Variants in LRRC20 observed in about 807,000 individuals in gnomAD.
LRRC20 encodes the protein leucine-rich repeat-containing protein 20.
A neutral mutation model predicts 14.4 loss-of-function variants in LRRC20; 11 were observed. The observed-to-expected ratio is 0.77, with a 90% CI of 0.48 to 1.27. LRRC20 has a LOEUF of 1.27. Ranked by LOEUF, LRRC20 falls within the 50% of genes most tolerant of loss-of-function variation. The pLI, the probability that LRRC20 is intolerant of heterozygous loss-of-function variation, is 0.00. For missense variants in LRRC20, 219 were observed against 251.2 expected (o/e 0.87, Z 0.87); for synonymous variants, 121 against 107.3 (o/e 1.13, Z -0.79).
In LRRC20 at chr10:70,299,024, C is replaced by G. The variant is rs547976062; in HGVS notation, c.*2330G>C. 6.5e-6 allele frequency: 1 copy of G among 152,744 alleles called. No homozygotes were observed. The highest frequency in any genetic ancestry group is 2.1e-4 in the South Asian group (1 of 4,822). 9.5% of individuals were successfully genotyped at this position (152,744 alleles called of 1,614,324 possible). A position where few individuals can be genotyped will look rare whatever the true frequency, so the allele number is the denominator to read the frequency against. ...AGACTGAAGCTTAGGGGCTCACTCA[C>G]TGTGAGCTCTGATTTGGGGGCATCT... On this transcript the variant is annotated 3_prime_UTR_variant, in exon 5 of 5. Coordinates refer to ENST00000446961, the MANE Select transcript of LRRC20 (RefSeq NM_001278212.2).
intron 2 of LRRC20, among the ~76,000 whole-genome samples, chr10:70,343,054 G>T (rs1842970591): frequency 6.6e-6 from 1 of 152,146 alleles, no homozygotes; most frequent in African/African-American, 2.4e-5. Context: ...GAAATACATG[G>T]AAATAATCAC....
chr10:70,313,334 G>A (rs1307338760), intron 4 of LRRC20, among the ~76,000 whole-genome samples: 4 of 152,148 alleles, frequency 2.6e-5, no homozygotes, highest in African/African-American at 7.2e-5. Flanking sequence ...AGAGCCTCAG[G>A]AAAGAATGAC....
rs1842204333 is a variant in LRRC20, at chr10:70,323,953, G to A, written c.310C>T (p.Leu104=). 1.9e-6 allele frequency: 3 copies of A among 1,614,244 alleles called. No individual in the cohort carries two copies. Among genetic ancestry groups the A allele is most frequent in the Non-Finnish European group, 1.7e-6 (2 of 1,180,044 alleles). ...SALQHLKAID[L]SRNQFQDFPE... ...AAGTCCTGGAACTGGTTCCGGGACA[G>A]GTCAATGGCCTTGAGGTGCTGCAGG... The change falls in exon 4 of 5, where the codon CTG becomes TTG. Residue 104 remains leucine (L), a synonymous_variant. Transcript: ENST00000446961.
chr10:70,305,941 C>T (rs528425200), intron 4 of LRRC20, among the ~76,000 whole-genome samples: 3 of 152,166 alleles, frequency 2.0e-5, no homozygotes, highest in East Asian at 1.9e-4. Context: ...GGGATTTCAC[C>T]GTGTTAGCCA....
At chr10:70,358,990 C>T (rs973701235) in intron 2 of LRRC20, among the ~76,000 whole-genome samples, 1 of 152,172 alleles carries the variant, frequency 6.6e-6, no homozygotes, top group African/African-American at 2.4e-5. Flanking sequence ...TACAAATTCG[C>T]TTTTAGGGAA....
intron 2 of LRRC20, among the ~76,000 whole-genome samples, chr10:70,352,933 C>T (rs1304105144): frequency 6.6e-6 from 1 of 152,148 alleles, no homozygotes; most frequent in African/African-American, 2.4e-5. Context: ...CTGCTGGCAA[C>T]CACAGAACAT....
chr10:70,371,909 A>C (rs931467261), intron 2 of LRRC20, among the ~76,000 whole-genome samples: 1 of 152,088 alleles, frequency 6.6e-6, no homozygotes, highest in Non-Finnish European at 1.5e-5. Flanking sequence ...CTCCAGCTCT[A>C]GCCAGGGGTG....
chr10:70,369,462 G>A (rs1844174225), intron 2 of LRRC20, among the ~76,000 whole-genome samples: 2 of 152,172 alleles, frequency 1.3e-5, no homozygotes, highest in Non-Finnish European at 2.9e-5. Context: ...CAAAGCAGGA[G>A]AGGAGGGAAG....
intron 3 of LRRC20, among the ~76,000 whole-genome samples, chr10:70,335,261 A>G (rs1008000638): frequency 6.6e-6 from 1 of 152,146 alleles, no homozygotes; most frequent in African/African-American, 2.4e-5. Context: ...ATGCTCCCCA[A>G]CTACTCACAA....
intron 2 of LRRC20, among the ~76,000 whole-genome samples, chr10:70,343,487 T>C (rs1454711720): frequency 6.6e-6 from 1 of 152,236 alleles, no homozygotes; most frequent in East Asian, 1.9e-4. Context: ...GCCCTGCGGC[T>C]GCCCAGTGTC....
At position 70,360,999 on chromosome 10, in the gene LRRC20, AT is replaced by A. The variant is rs1589115712; in HGVS notation, c.82+15452del. ...TAGACGGTTGAGGCTGCAGTGAGCT[AT>A]GATCATGCCACTGCACCCGACTGGA... On this transcript the variant is annotated intron_variant, in intron 2 of 4. Transcript: ENST00000446961. Among the ~76,000 whole-genome samples the A allele has an allele frequency of 2.0e-5, 3 of 150,756 alleles. No individual in the cohort carries two copies. In the South Asian group the frequency reaches 6.3e-4, roughly 32 times the overall value.
intron 2 of LRRC20, among the ~76,000 whole-genome samples, chr10:70,341,554 A>C (rs1235880865): frequency 2.3e-4 from 35 of 151,828 alleles, no homozygotes; most frequent in Admixed American, 2.3e-3. Context: ...GATGGCTTGA[A>C]GCCAGGAGTT....
intron 3 of LRRC20, among the ~76,000 whole-genome samples, chr10:70,337,949 G>A (rs7078355): frequency 0.56 from 84,557 of 151,912 alleles, 23,739 homozygotes; most frequent in African/African-American, 0.62. Context: ...CTGAGGGCCC[G>A]GACAGCCCCA....
intron 1 of LRRC20, among the ~76,000 whole-genome samples, chr10:70,380,806 A>G (rs1328569634): frequency 1.3e-5 from 2 of 152,184 alleles, no homozygotes; most frequent in African/African-American, 4.8e-5. Context: ...CGTCTCCTGG[A>G]CACCTTCCAT....
intron 2 of LRRC20, among the ~76,000 whole-genome samples, chr10:70,376,147 T>C (rs1013081380): frequency 2.0e-5 from 3 of 152,112 alleles, no homozygotes; most frequent in African/African-American, 7.2e-5. Flanking sequence ...GGCACACAGA[T>C]GCTACTTGGC....
chr10:70,303,223 G>A (rs1841283887), intron 4 of LRRC20, among the ~76,000 whole-genome samples: 1 of 152,172 alleles, frequency 6.6e-6, no homozygotes, highest in Non-Finnish European at 1.5e-5. Context: ...GTCGCATACA[G>A]TGGCCTATGG....
chr10:70,368,293 G>A (rs927072666), intron 2 of LRRC20, among the ~76,000 whole-genome samples: 2 of 151,638 alleles, frequency 1.3e-5, no homozygotes, highest in African/African-American at 2.4e-5. Flanking sequence ...AAGTAGCTGG[G>A]ACTACAGGCG....
chr10:70,337,599 G>T (rs1160785195), intron 3 of LRRC20, among the ~76,000 whole-genome samples: 1 of 152,144 alleles, frequency 6.6e-6, no homozygotes, highest in Non-Finnish European at 1.5e-5. Flanking sequence ...TCTGGGGAGG[G>T]CCTACTTACT....
chr10:70,345,259 C>T (rs1024088462), intron 2 of LRRC20, among the ~76,000 whole-genome samples: 3 of 152,030 alleles, frequency 2.0e-5, no homozygotes, highest in Admixed American at 1.3e-4. Flanking sequence ...GATTAATCAA[C>T]TGATGTCAGA....
Sources: gnomAD v4.1 joint callset for allele counts (sites outside exome capture counted in the v4.1 genomes callset) on GRCh38, gnomAD v4.1.1 for gene constraint, MANE v1.5 for transcripts, NCBI Gene and HGNC (gene_info 2026-07-23, HGNC 2026-07-21) for gene names.